Variants in NPTXR observed in about 807,000 individuals in gnomAD.
NPTXR encodes the protein neuronal pentraxin receptor.
A neutral mutation model predicts 32.2 loss-of-function variants in NPTXR; 12 were observed. That is an observed-to-expected ratio of 0.37 (90% CI 0.24 to 0.60). NPTXR has a LOEUF of 0.60. Ranked by LOEUF, NPTXR falls within the 20% of genes least tolerant of loss-of-function variation. The pLI is 0.66. For synonymous variants in NPTXR, 323 were observed against 315.8 expected (o/e 1.02, Z -0.24); for missense variants, 612 against 682.9 (o/e 0.90, Z 1.16).
intron 1 of NPTXR, among the ~76,000 whole-genome samples, chr22:38,835,478 A>G (rs991848483): frequency 2.0e-5 from 3 of 152,078 alleles, no homozygotes; most frequent in Admixed American, 6.5e-5. Flanking sequence ...AAAGAAGACA[A>G]ATGGGGAGGA....
At position 38,828,347 on chromosome 22, in the gene NPTXR, T is replaced by C. The variant is rs774695782; in HGVS notation, c.790A>G (p.Arg264Gly). The stretch of plus-strand genomic sequence containing the variant: ...TCCAACTCCTTTTCCACTTCCTGCC[T>C]CTGCCGGCGGCTGCTGTGGCTGAGG... The change falls in exon 2 of 5, where the codon AGG becomes GGG. Residue 264 changes from arginine (R) to glycine (G), a missense_variant. Transcript: ENST00000333039. The C allele has an allele frequency of 1.9e-5, 31 of 1,613,346 alleles. No individual in the cohort carries two copies. Among genetic ancestry groups the C allele is most frequent in the Middle Eastern group, 1.6e-4 (1 of 6,084 alleles).
rs563925133 is a variant in NPTXR, at chr22:38,829,024, G to A, written c.625-512C>T. ...ACAGGGACTTCTGGAGCAGGGCCCC[G>A]GTGGCTTGACCATACCAGGGTGACA... On this transcript the variant is annotated intron_variant, in intron 1 of 4. Coordinates refer to ENST00000333039, the MANE Select transcript of NPTXR (RefSeq NM_014293.4). 3.6e-4 allele frequency among the ~76,000 whole-genome samples: 55 copies of A among 152,350 alleles called. 1 individual carries two copies. Among genetic ancestry groups the A allele is most frequent in the Admixed American group, 1.4e-3 (21 of 15,304 alleles).
rs1284388828 is a variant in NPTXR at position 38,843,583 on chromosome 22, G to A, written c.276C>T (p.Ser92=). 2 of 1,208,782 alleles carry A rather than the reference G, an allele frequency of 1.7e-6. No homozygotes were observed. Among genetic ancestry groups the A allele is most frequent in the East Asian group, 3.5e-5 (1 of 28,770 alleles). 74.9% of individuals were successfully genotyped at this position (1,208,782 alleles called of 1,614,324 possible). A position where few individuals can be genotyped will look rare whatever the true frequency, so the allele number is the denominator to read the frequency against. Residue 92 remains serine (S), a synonymous_variant, in exon 1 of 5, where the codon AGC becomes AGT. Transcript: ENST00000333039. This position sits in a 1 kb window ranked among gnomAD's most constrained non-coding sequence, Gnocchi z 5.3. ...CAGCCAGCGGCGTGCACAGGAAGCG[G>A]CTGAACAGGGGCCCGGGCGGCAGCG...
chr22:38,832,194 G>A (rs752940727), intron 1 of NPTXR, among the ~76,000 whole-genome samples: 7 of 152,216 alleles, frequency 4.6e-5, no homozygotes, highest in Admixed American at 1.3e-4. Flanking sequence ...TGGGCTCGCC[G>A]GATCGTGTGT....
intron 1 of NPTXR, among the ~76,000 whole-genome samples, chr22:38,836,663 C>T (rs1399839183): frequency 6.6e-6 from 1 of 152,200 alleles, no homozygotes; most frequent in African/African-American, 2.4e-5. Flanking sequence ...AATTCCTGAT[C>T]TGGCTGGCGC....
chr22:38,838,873 G>A (rs577405411), intron 1 of NPTXR, among the ~76,000 whole-genome samples: 53 of 152,138 alleles, frequency 3.5e-4, no homozygotes, highest in African/African-American at 9.6e-4. Flanking sequence ...GAGCCACCGC[G>A]CCCAGCTCAC....
In NPTXR at chr22:38,843,565, C is replaced by A; in HGVS notation, c.294G>T (p.Pro98=). Residue 98 remains proline, a synonymous_variant, in exon 1 of 5, where the codon CCG becomes CCT. Coordinates refer to ENST00000333039, the MANE Select transcript of NPTXR (RefSeq NM_014293.4). This position sits in a 1 kb window ranked among gnomAD's most constrained non-coding sequence, Gnocchi z 5.3. ...CCCCCGACGGGCAGGCAGCAGCCAG[C>A]GGCGTGCACAGGAAGCGGCTGAACA... The A allele has an allele frequency of 8.1e-7, 1 of 1,229,064 alleles. No homozygotes were observed. The highest frequency in any genetic ancestry group is 1.0e-6 in the Non-Finnish European group (1 of 986,578). 76.1% of individuals were successfully genotyped at this position (1,229,064 alleles called of 1,614,324 possible). A position where few individuals can be genotyped will look rare whatever the true frequency, so the allele number is the denominator to read the frequency against.
chr22:38,830,492 G>A (rs2093114451), intron 1 of NPTXR, among the ~76,000 whole-genome samples: 1 of 152,188 alleles, frequency 6.6e-6, no homozygotes, highest in South Asian at 2.1e-4. Flanking sequence ...GAAAACTAGG[G>A]TGAGTTAACT....
chr22:38,830,686 CA>C (rs1416539324), intron 1 of NPTXR, among the ~76,000 whole-genome samples: 2 of 152,180 alleles, frequency 1.3e-5, no homozygotes, highest in Non-Finnish European at 2.9e-5. Context: ...GGTTGCTTCA[CA>C]GGGCAGGGGG....
chr22:38,823,639 C>G (rs1314398567), intron 3 of NPTXR, among the ~76,000 whole-genome samples: 1 of 152,216 alleles, frequency 6.6e-6, no homozygotes, highest in African/African-American at 2.4e-5. Flanking sequence ...ATAGAATGAG[C>G]CTTGGACTCA....
At chr22:38,832,103 C>T (rs1388721948) in intron 1 of NPTXR, among the ~76,000 whole-genome samples, 4 of 152,144 alleles carry the variant, frequency 2.6e-5, no homozygotes, top group South Asian at 2.1e-4. Context: ...AGAAAACGTG[C>T]GGGCTGAGGG....
chr22:38,823,168 T>C lies in NPTXR; in HGVS notation c.1193A>G (p.Asp398Gly). ...CTCACCGGAGCCCTGCAGCTCCCCG[T>C]CCTGGTAGGCAGACCATAGGCCATC... is the stretch of plus-strand genomic sequence containing the variant. The change falls in exon 4 of 5, where the codon GAC becomes GGC. Residue 398 changes from aspartate (D) to glycine (G), a missense_variant. Physicochemically the swap from Asp to Gly is moderately conservative, Grantham distance 94. Transcript: ENST00000333039. 3.7e-6 allele frequency: 6 copies of C among 1,614,138 alleles called. No individual in the cohort carries two copies. The highest frequency in any genetic ancestry group is 4.2e-6 in the Non-Finnish European group (5 of 1,180,014).
At chr22:38,826,351 A>G (rs921839792) in intron 3 of NPTXR, 149 bp downstream of exon 3, 6 of 984,348 alleles carry the variant, frequency 6.1e-6, no homozygotes, top group Non-Finnish European at 7.5e-6. Flanking sequence ...ATATTCCCAG[A>G]GCCCAGCCTA....
intron 1 of NPTXR, among the ~76,000 whole-genome samples, chr22:38,836,595 G>A (rs948524654): frequency 2.6e-5 from 4 of 152,160 alleles, no homozygotes; most frequent in African/African-American, 9.7e-5. Flanking sequence ...CGTTGCCTTT[G>A]GAAGGCTACT....
chr22:38,822,733 C>A lies in NPTXR; in HGVS notation c.1379G>T (p.Gly460Val). Residue 460 changes from glycine to valine, a missense_variant, in exon 5 of 5, where the codon GGC (glycine) becomes GTC (valine). By Grantham distance (109) the Gly-to-Val change is moderately radical. Coordinates refer to ENST00000333039, the MANE Select transcript of NPTXR (RefSeq NM_014293.4). The stretch of plus-strand genomic sequence containing the variant: ...CAGTGGCGCAGTGCAGTTGGCAATG[C>A]CCAGGACCTGGGCTGGTGTCAGGGC... 3 of 1,614,184 alleles carry A rather than the reference C, an allele frequency of 1.9e-6. No individual in the cohort carries two copies. Among genetic ancestry groups the A allele is most frequent in the Non-Finnish European group, 1.7e-6 (2 of 1,180,020 alleles).
chr22:38,823,001 G>A, intron 4 of NPTXR, 82 bp downstream of exon 4: 1 of 1,543,176 alleles, frequency 6.5e-7, no homozygotes, highest in Non-Finnish European at 8.9e-7. Flanking sequence ...AGTTCCTTGG[G>A]CAGGTCTCTG....
intron 3 of NPTXR, among the ~76,000 whole-genome samples, chr22:38,825,840 CTT>C (rs11364544): frequency 0.012 from 1,345 of 115,430 alleles, 20 homozygotes; most frequent in African/African-American, 0.039. Flanking sequence ...CTCTCTCTCT[CTT>C]TTTTTTTTTT....
intron 1 of NPTXR, among the ~76,000 whole-genome samples, chr22:38,838,231 G>A (rs954165221): frequency 3.9e-5 from 6 of 152,118 alleles, no homozygotes; most frequent in Non-Finnish European, 7.4e-5. Flanking sequence ...TTGTATGGAG[G>A]GGAAAACTGA....
rs1215452601 is a variant in NPTXR at position 38,822,465 on chromosome 22, G to A, written c.*144C>T. 1 of 693,236 alleles carries A rather than the reference G, an allele frequency of 1.4e-6. No individual in the cohort carries two copies. Among genetic ancestry groups the A allele is most frequent in the East Asian group, 2.7e-5 (1 of 36,830 alleles). The allele number at this position is 693,236 out of a possible 1,614,324, so 42.9% of individuals were successfully genotyped here. A position where few individuals can be genotyped will look rare whatever the true frequency, so the allele number is the denominator to read the frequency against. ...CAGGGCAGGGCATTCTGGAGGTGTG[G>A]GTACAGGTGAGGGGAAATGGGAGGC... On this transcript the variant is annotated 3_prime_UTR_variant, in exon 5 of 5. Coordinates refer to ENST00000333039, the MANE Select transcript of NPTXR (RefSeq NM_014293.4).
Sources: allele counts gnomAD v4.1 joint callset (sites outside exome capture counted in the v4.1 genomes callset), GRCh38; gene constraint gnomAD v4.1.1; non-coding constraint Gnocchi (gnomAD v3.1); transcripts MANE v1.5; gene names NCBI Gene and HGNC (gene_info 2026-07-23, HGNC 2026-07-21).